The following SLC7A6 variants were observed in gnomAD, a reference collection of about 807,000 sequenced individuals.
SLC7A6 encodes Y+L amino acid transporter 2.
A neutral mutation model predicts 46.6 loss-of-function variants in SLC7A6; 29 were observed. That is an observed-to-expected ratio of 0.62 (90% confidence interval 0.46 to 0.85). SLC7A6 has a LOEUF of 0.85. Ranked by LOEUF, SLC7A6 falls within the 40% of genes least tolerant of loss-of-function variation. The pLI is 0.00. For synonymous variants in SLC7A6, 276 were observed against 257.3 expected (o/e 1.07, Z -0.70); for missense variants, 527 against 647.6 (o/e 0.81, Z 2.02).
intron 1 of SLC7A6, among the ~76,000 whole-genome samples, 198 bp from the exon 2 acceptor site, chr16:68,266,395 C>G (rs189002538): frequency 1.6e-4 from 24 of 152,286 alleles, no homozygotes; most frequent in Admixed American, 5.2e-4. Context: ...TTATACCCAC[C>G]CTGTGGGTGT....
chr16:68,271,357 T>G (rs1176533044), intron 2 of SLC7A6, among the ~76,000 whole-genome samples: 1 of 152,114 alleles, frequency 6.6e-6, no homozygotes, highest in Non-Finnish European at 1.5e-5. Context: ...CAGGCGGGAG[T>G]GCAATGGTGT....
intron 3 of SLC7A6, among the ~76,000 whole-genome samples, chr16:68,280,320 A>T (rs2042806872): frequency 6.6e-6 from 1 of 152,148 alleles, no homozygotes; most frequent in African/African-American, 2.4e-5. Flanking sequence ...GCCATTCTAG[A>T]CACTTCCATC....
chr16:68,275,003 G>T lies in SLC7A6; in HGVS notation c.277G>T (p.Val93Leu), dbSNP rs867463991. 6.2e-7 allele frequency: 1 copy of T among 1,614,196 alleles called. No homozygotes were observed. The highest frequency in any genetic ancestry group is 8.5e-7 in the Non-Finnish European group (1 of 1,180,032). Residue 93 changes from valine (V) to leucine (L), a missense_variant, in exon 3 of 11, where the codon GTG becomes TTG. Val to Leu is a conservative substitution (Grantham distance 32). Transcript: ENST00000219343. Reference protein sequence around the residue: ...VWAIGGLFSVVGALCYAELGT... With the variant: ...VWAIGGLFSVLGALCYAELGT... Reference sequence around the variant, plus strand: ...GGCCATTGGTGGGCTCTTCTCTGTTGTGGGTGCCCTTTGTTATGCAGAGCT... The same window carrying T: ...GGCCATTGGTGGGCTCTTCTCTGTTTTGGGTGCCCTTTGTTATGCAGAGCT...
rs2043044351 is a variant in SLC7A6, at chr16:68,291,271, A to G, written c.857A>G (p.Asn286Ser). The change falls in exon 6 of 11, where the codon AAT (asparagine) becomes AGT (serine). Residue 286 changes from asparagine (N) to serine (S), a missense_variant. By Grantham distance (46) the Asn-to-Ser change is conservative. Transcript: ENST00000219343. ...PIVTLIYILT[N>S]VAYYTVLNIS... The stretch of plus-strand genomic sequence containing the variant: ...GTGACGCTCATCTACATCCTGACCA[A>G]TGTGGCCTATTACACAGTGCTGAAC... The G allele has an allele frequency of 6.2e-7, 1 of 1,614,216 alleles. No homozygotes were observed. The highest frequency in any genetic ancestry group is 8.5e-7 in the Non-Finnish European group (1 of 1,180,030).
At chr16:68,273,130 G>C (rs2042650082) in intron 2 of SLC7A6, 1 of 152,216 alleles carries the variant, frequency 6.6e-6, no homozygotes, top group South Asian at 2.1e-4. Context: ...GTCCAGACTT[G>C]AAGGGGTTTG....
intron 4 of SLC7A6, among the ~76,000 whole-genome samples, chr16:68,289,370 T>C (rs182904682): frequency 5.3e-5 from 8 of 152,222 alleles, no homozygotes; most frequent in African/African-American, 1.9e-4. Flanking sequence ...TGTGTACTTA[T>C]ATCAAGTTAG....
chr16:68,280,493 G>C (rs2042810378), intron 3 of SLC7A6, among the ~76,000 whole-genome samples: 1 of 151,988 alleles, frequency 6.6e-6, no homozygotes, highest in Non-Finnish European at 1.5e-5. Flanking sequence ...ATCAGGACTT[G>C]CCTTTTCTCT....
rs1298139146 is a variant in SLC7A6 at position 68,297,533 on chromosome 16, TG to T, written c.*211del. 6.7e-6 allele frequency: 1 copy of T among 148,910 alleles called. No homozygotes were observed. The highest frequency in any genetic ancestry group is 2.1e-4 in the East Asian group (1 of 4,858). The allele number at this position is 148,910 out of a possible 1,614,324, so 9.2% of individuals were successfully genotyped here. Reference sequence around the variant, plus strand: ...ACCTCAAGGTGGGGGCTTCAGAGGGTGGGGGGAAGATTGGGGAACGGGGGGA... The same window carrying T: ...ACCTCAAGGTGGGGGCTTCAGAGGGTGGGGGAAGATTGGGGAACGGGGGGA... On this transcript the variant is annotated 3_prime_UTR_variant, in exon 11 of 11. Coordinates refer to ENST00000219343, the MANE Select transcript of SLC7A6 (RefSeq NM_003983.6).
chr16:68,265,478 G>C (rs771784152), intron 1 of SLC7A6: 4 of 152,162 alleles, frequency 2.6e-5, no homozygotes, highest in Non-Finnish European at 5.9e-5. Context: ...CCTTGATAGG[G>C]GAAAAAGCCA....
intron 8 of SLC7A6, among the ~76,000 whole-genome samples, chr16:68,295,591 TCTC>T (rs2043148828): frequency 1.3e-5 from 2 of 152,204 alleles, no homozygotes; most frequent in African/African-American, 4.8e-5. Context: ...CGCCCAGCCT[TCTC>T]TTCTTAATAC....
intron 3 of SLC7A6, among the ~76,000 whole-genome samples, chr16:68,277,316 TTTTATTTA>T (rs71145991): frequency 7.4e-5 from 10 of 135,956 alleles, no homozygotes; most frequent in South Asian, 2.5e-4. Context: ...AGAAGAGTAC[TTTTATTTA>T]TTTATTTATT....
At chr16:68,291,364 A>G (rs1361635918) in intron 6 of SLC7A6, 32 bp downstream of exon 6, 10 of 1,612,170 alleles carry the variant, frequency 6.2e-6, no homozygotes, top group African/African-American at 1.3e-5. Flanking sequence ...TTTGTTCATC[A>G]TCTCCTGATA....
chr16:68,280,112 G>T (rs1009521187), intron 3 of SLC7A6, among the ~76,000 whole-genome samples: 1 of 152,226 alleles, frequency 6.6e-6, no homozygotes, highest in Non-Finnish European at 1.5e-5. Flanking sequence ...AGTAGAGGCG[G>T]CAGTGGGAAC....
chr16:68,294,430 T>C (rs2043121240), intron 7 of SLC7A6, among the ~76,000 whole-genome samples: 1 of 151,864 alleles, frequency 6.6e-6, no homozygotes, highest in Non-Finnish European at 1.5e-5. Flanking sequence ...GTTGGTGAGG[T>C]ATCTGTGGCT....
chr16:68,285,665 T>C (rs1016696159), intron 3 of SLC7A6, among the ~76,000 whole-genome samples: 8 of 152,182 alleles, frequency 5.3e-5, no homozygotes, highest in African/African-American at 1.9e-4. Context: ...GGCACTTCTC[T>C]CCATTTGAAT....
chr16:68,270,100 T>C (rs2042600848), intron 2 of SLC7A6, among the ~76,000 whole-genome samples: 1 of 152,184 alleles, frequency 6.6e-6, no homozygotes, highest in Non-Finnish European at 1.5e-5. Flanking sequence ...TGTGCACCTA[T>C]GCCTCAGTGC....
intron 7 of SLC7A6, among the ~76,000 whole-genome samples, chr16:68,294,302 A>T (rs2043117985): frequency 1.3e-5 from 2 of 152,180 alleles, no homozygotes; most frequent in African/African-American, 4.8e-5. Flanking sequence ...GGGAAAATAT[A>T]TGGAGGGCAT....
At chr16:68,280,122 C>G (rs2042802375) in intron 3 of SLC7A6, among the ~76,000 whole-genome samples, 1 of 152,184 alleles carries the variant, frequency 6.6e-6, no homozygotes, top group Non-Finnish European at 1.5e-5. Flanking sequence ...GCAGTGGGAA[C>G]AACGTGGTTT....
chr16:68,295,808 TC>T (rs1470199937), intron 8 of SLC7A6, among the ~76,000 whole-genome samples: 3 of 152,220 alleles, frequency 2.0e-5, no homozygotes, highest in Non-Finnish European at 4.4e-5. Flanking sequence ...AGTTTCCAGG[TC>T]CAACACCTGA....
Sources: allele counts gnomAD v4.1 joint callset (sites outside exome capture counted in the v4.1 genomes callset), GRCh38; gene constraint gnomAD v4.1.1; transcripts MANE v1.5; gene names NCBI Gene and HGNC (gene_info 2026-07-23, HGNC 2026-07-21).